PHACTR4: variants seen among roughly 807,000 people sequenced by gnomAD.
The protein encoded by PHACTR4 is phosphatase and actin regulator 4.
Under a neutral mutation model 72.7 loss-of-function variants are expected in PHACTR4, and 51 were observed. The observed-to-expected ratio is 0.70, with a 90% CI of 0.56 to 0.89. PHACTR4 has a LOEUF of 0.89. PHACTR4 is among the 40% of genes least tolerant of loss of function. PHACTR4 has a pLI of 0.00. For synonymous variants in PHACTR4, 255 were observed against 302.5 expected (o/e 0.84, Z 1.63); for missense variants, 731 against 861.8 (o/e 0.85, Z 1.90).
chr1:28,485,437 ATT>A (rs1343280968), intron 9 of PHACTR4, among the ~76,000 whole-genome samples: 1 of 151,394 alleles, frequency 6.6e-6, no homozygotes, highest in Non-Finnish European at 1.5e-5. Context: ...AAATACAAAA[ATT>A]AGCCGGGTGT....
intron 1 of PHACTR4, among the ~76,000 whole-genome samples, chr1:28,370,611 C>CA (rs112345135): frequency 1.4e-3 from 185 of 130,086 alleles, no homozygotes; most frequent in East Asian, 6.1e-3. Flanking sequence ...TGATTGCTTG[C>CA]AAAAAAAAAA....
rs1258220945 is a variant in PHACTR4, at chr1:28,410,923, T to C, written c.16+3460T>C. ...GGTTTCACCATGTTGGCCAGGCTGGTCTTGAACTCCTGACCTCAGGTGATC... is the reference window on the plus strand; with the variant it reads ...GGTTTCACCATGTTGGCCAGGCTGGCCTTGAACTCCTGACCTCAGGTGATC... On this transcript the variant is annotated intron_variant, in intron 2 of 13. Coordinates refer to ENST00000373839, the MANE Select transcript of PHACTR4 (RefSeq NM_001048183.3). Among the ~76,000 whole-genome samples, 4 of 152,058 alleles carry C rather than the reference T, an allele frequency of 2.6e-5. No individual in the cohort carries two copies. In the East Asian group the frequency reaches 7.7e-4, roughly 29 times the overall value.
At chr1:28,407,521 A>G (rs1447801833) in intron 2 of PHACTR4, 58 bp downstream of exon 2, 4 of 1,480,094 alleles carry the variant, frequency 2.7e-6, no homozygotes, top group African/African-American at 2.8e-5. Flanking sequence ...CCTCACCTCC[A>G]TTAAAGCTTT....
intron 1 of PHACTR4, among the ~76,000 whole-genome samples, chr1:28,378,449 G>A (rs1346663509): frequency 6.6e-6 from 1 of 151,396 alleles, no homozygotes; most frequent in Non-Finnish European, 1.5e-5. Context: ...GTTGCAATGA[G>A]CCAAGATCAT....
chr1:28,467,017 A>G (rs1353047915), intron 6 of PHACTR4: 1 of 397,602 alleles, frequency 2.5e-6, no homozygotes, highest in African/African-American at 2.0e-5. Flanking sequence ...GATTGAGACC[A>G]TCCTGGCAAC....
intron 1 of PHACTR4, among the ~76,000 whole-genome samples, chr1:28,401,399 C>T (rs956152074): frequency 1.3e-5 from 2 of 150,498 alleles, no homozygotes; most frequent in Non-Finnish European, 3.0e-5. Context: ...CTCCACCTCC[C>T]GAGTTCAAGC....
At chr1:28,422,625 A>G (rs1020452892) in intron 2 of PHACTR4, 1 of 152,200 alleles carries the variant, frequency 6.6e-6, no homozygotes, top group Non-Finnish European at 1.5e-5. Context: ...GTGATCAATT[A>G]GTTGTAAACC....
chr1:28,407,365 G>A (rs1181906314), intron 1 of PHACTR4, 45 bp from the exon 2 acceptor site: 28 of 1,032,578 alleles, frequency 2.7e-5, no homozygotes, highest in Non-Finnish European at 4.1e-5. Context: ...AAAAGGTGAT[G>A]GACTATATGT....
chr1:28,420,864 A>G (rs1048373623), intron 2 of PHACTR4, among the ~76,000 whole-genome samples: 31 of 152,340 alleles, frequency 2.0e-4, no homozygotes, highest in African/African-American at 7.2e-4. Context: ...TTAATACAAC[A>G]TTAATAGTTG....
chr1:28,441,425 G>A (rs1398852130), intron 2 of PHACTR4, among the ~76,000 whole-genome samples: 1 of 152,126 alleles, frequency 6.6e-6, no homozygotes, highest in African/African-American at 2.4e-5. Context: ...CCCTTGACTT[G>A]TAATGGAAGG....
intron 2 of PHACTR4, among the ~76,000 whole-genome samples, chr1:28,428,561 T>C (rs1320637901): frequency 1.3e-5 from 2 of 152,324 alleles, no homozygotes; most frequent in African/African-American, 4.8e-5. Context: ...ATAATTTCAG[T>C]TTCTCTCGCT....
chr1:28,493,876 T>G (rs193174637), intron 13 of PHACTR4, among the ~76,000 whole-genome samples: 73 of 152,276 alleles, frequency 4.8e-4, no homozygotes, highest in African/African-American at 1.6e-3. Flanking sequence ...ACTTAATGTA[T>G]AAACAACATT....
chr1:28,383,324 T>A (rs1031726646), intron 1 of PHACTR4, among the ~76,000 whole-genome samples: 2 of 152,194 alleles, frequency 1.3e-5, no homozygotes, highest in African/African-American at 4.8e-5. Flanking sequence ...TTGCTTAGGA[T>A]TTCCTTGGCT....
chr1:28,398,183 ACAC>A (rs542986804), intron 1 of PHACTR4, among the ~76,000 whole-genome samples: 57 of 152,136 alleles, frequency 3.7e-4, no homozygotes, highest in Non-Finnish European at 7.1e-4. Flanking sequence ...ACCTATGTTA[ACAC>A]CACCAAGGCT....
chr1:28,420,790 T>C (rs1369611608), intron 2 of PHACTR4, among the ~76,000 whole-genome samples: 1 of 152,182 alleles, frequency 6.6e-6, no homozygotes, highest in Non-Finnish European at 1.5e-5. Context: ...ATCCATTATG[T>C]CAAGTAATGG....
At position 28,473,536 on chromosome 1, in the gene PHACTR4, T is replaced by A; in HGVS notation, c.824-18T>A. On this transcript the variant is annotated intron_variant, in intron 6 of 13. Coordinates refer to ENST00000373839, the MANE Select transcript of PHACTR4 (RefSeq NM_001048183.3). ...ATTGGAAAGTCGTGAAATTGATGTG[T>A]TGCTCTCTCTTTTCCAGCTGAACTG... is the stretch of plus-strand genomic sequence containing the variant. 3.9e-6 allele frequency: 6 copies of A among 1,553,492 alleles called. No individual in the cohort carries two copies. The highest frequency in any genetic ancestry group is 5.3e-6 in the Non-Finnish European group (6 of 1,133,520).
At chr1:28,491,044 T>A (rs751771823) in intron 11 of PHACTR4, 32 bp downstream of exon 11, 1 of 1,590,282 alleles carries the variant, frequency 6.3e-7, no homozygotes, top group Non-Finnish European at 8.6e-7. Context: ...GTTAACTATA[T>A]GTGTTATATT....
At chr1:28,412,988 G>A (rs1328323793) in intron 2 of PHACTR4, among the ~76,000 whole-genome samples, 1 of 152,158 alleles carries the variant, frequency 6.6e-6, no homozygotes, top group Non-Finnish European at 1.5e-5. Context: ...GTGGGCCAGT[G>A]AGCATTACAG....
chr1:28,458,922 GT>G (rs1658600958), intron 2 of PHACTR4, among the ~76,000 whole-genome samples, 162 bp from the exon 3 acceptor site: 2 of 152,192 alleles, frequency 1.3e-5, no homozygotes, highest in East Asian at 3.8e-4. Context: ...GGATTTTGAT[GT>G]TTGGTGTCCA....
Sources: allele counts gnomAD v4.1 joint callset (sites outside exome capture counted in the v4.1 genomes callset), GRCh38; gene constraint gnomAD v4.1.1; transcripts MANE v1.5; gene names NCBI Gene and HGNC (gene_info 2026-07-23, HGNC 2026-07-21).